Variants in LRRC52 observed in about 807,000 individuals in gnomAD.
LRRC52 encodes the protein leucine-rich repeat-containing protein 52.
A neutral mutation model predicts 14.7 loss-of-function variants in LRRC52; 15 were observed. That is an observed-to-expected ratio of 1.02 (90% CI 0.68 to 1.58). The LOEUF (loss-of-function observed/expected upper bound fraction) is 1.58, where lower values mean the gene tolerates loss of function less well. Ranked by LOEUF, LRRC52 falls within the 40% of genes most tolerant of loss-of-function variation. LRRC52 has a pLI of 0.00. For missense variants in LRRC52, 400 were observed against 387.7 expected (o/e 1.03, Z -0.27); for synonymous variants, 180 against 163.9 (o/e 1.10, Z -0.75).
Position 165,551,017 on chromosome 1 carries a change from G to A in LRRC52, c.622+6099G>A, listed in dbSNP as rs1445241244. On this transcript the variant is annotated intron_variant, in intron 1 of 1. Coordinates refer to ENST00000294818, the MANE Select transcript of LRRC52 (RefSeq NM_001005214.4). Reference sequence around the variant, plus strand: ...ACACAGGAGGTGAGAGGAGAACAGCGCTCAGCAGGCAAGGTCCCAGGTGAG... The same window carrying A: ...ACACAGGAGGTGAGAGGAGAACAGCACTCAGCAGGCAAGGTCCCAGGTGAG... Among the ~76,000 whole-genome samples the A allele has an allele frequency of 5.3e-5, 8 of 152,146 alleles. No individual in the cohort carries two copies. The East Asian group carries it at 7.7e-4, about 15-fold the overall frequency.
intron 1 of LRRC52, among the ~76,000 whole-genome samples, chr1:165,555,818 T>G (rs1661222589): frequency 6.6e-6 from 1 of 152,272 alleles, no homozygotes; most frequent in Non-Finnish European, 1.5e-5. Context: ...GATGGTGCCC[T>G]TCGGCTCCTG....
chr1:165,559,780 T>C (rs912763304), intron 1 of LRRC52, among the ~76,000 whole-genome samples: 3 of 152,156 alleles, frequency 2.0e-5, no homozygotes, highest in Non-Finnish European at 2.9e-5. Flanking sequence ...CTAATAAAGA[T>C]CAAAAAACCC....
chr1:165,557,850 A>G (rs1039273461), intron 1 of LRRC52, among the ~76,000 whole-genome samples: 2 of 152,280 alleles, frequency 1.3e-5, no homozygotes, highest in East Asian at 3.9e-4. Context: ...CTTGCTTTCC[A>G]TTGCCACTGC....
At chr1:165,559,851 A>T (rs1481895471) in intron 1 of LRRC52, among the ~76,000 whole-genome samples, 1 of 152,242 alleles carries the variant, frequency 6.6e-6, no homozygotes, top group Non-Finnish European at 1.5e-5. Context: ...TTATACAAAC[A>T]AGTAAGATAA....
chr1:165,544,200 A>C lies in LRRC52; in HGVS notation c.-97A>C. 8 of 1,306,714 alleles carry C rather than the reference A, an allele frequency of 6.1e-6. 2 individuals are homozygous for C. The highest frequency in any genetic ancestry group is 4.2e-6 in the Non-Finnish European group (4 of 948,480). The allele number at this position is 1,306,714 out of a possible 1,614,324, so 80.9% of individuals were successfully genotyped here. On this transcript the variant is annotated 5_prime_UTR_variant, in exon 1 of 2. Coordinates refer to ENST00000294818, the MANE Select transcript of LRRC52 (RefSeq NM_001005214.4). Reference sequence around the variant, plus strand: ...AAGCTAAAGTGTTACAGTTCTTTCCAGAGCCCCTCCCCCGCCCCACCCCCC... The same window carrying C: ...AAGCTAAAGTGTTACAGTTCTTTCCCGAGCCCCTCCCCCGCCCCACCCCCC...
At chr1:165,554,451 G>GTTGTTT (rs904407245) in intron 1 of LRRC52, among the ~76,000 whole-genome samples, 10 of 152,022 alleles carry the variant, frequency 6.6e-5, no homozygotes, top group Non-Finnish European at 2.9e-5. Flanking sequence ...TGTTGTTGTT[G>GTTGTTT]TTTTTTGGAG....
At chr1:165,547,627 C>T (rs1209935454) in intron 1 of LRRC52, among the ~76,000 whole-genome samples, 3 of 152,174 alleles carry the variant, frequency 2.0e-5, no homozygotes, top group African/African-American at 4.8e-5. Flanking sequence ...CCTACACACA[C>T]ATATGCAAAC....
chr1:165,558,287 A>C (rs1003646606), intron 1 of LRRC52, among the ~76,000 whole-genome samples: 1 of 152,176 alleles, frequency 6.6e-6, no homozygotes, highest in African/African-American at 2.4e-5. Flanking sequence ...GGCCCACTGG[A>C]GTGAGGCTGA....
At chr1:165,560,962 T>G (rs1661327834) in intron 1 of LRRC52, among the ~76,000 whole-genome samples, 1 of 151,626 alleles carries the variant, frequency 6.6e-6, no homozygotes, top group Non-Finnish European at 1.5e-5. Flanking sequence ...CGAGAAGAGC[T>G]GTACTTGGGG....
chr1:165,553,891 T>C (rs1341628010), intron 1 of LRRC52, among the ~76,000 whole-genome samples: 1 of 152,182 alleles, frequency 6.6e-6, no homozygotes, highest in East Asian at 1.9e-4. Flanking sequence ...TTTCATGTAA[T>C]GTTTTCTATG....
At chr1:165,556,560 T>A (rs895022499) in intron 1 of LRRC52, among the ~76,000 whole-genome samples, 2 of 152,214 alleles carry the variant, frequency 1.3e-5, no homozygotes, top group Non-Finnish European at 2.9e-5. Context: ...TTGCACCTAC[T>A]CAACATTGCC....
At chr1:165,551,290 G>A (rs1661126408) in intron 1 of LRRC52, among the ~76,000 whole-genome samples, 1 of 152,152 alleles carries the variant, frequency 6.6e-6, no homozygotes. Context: ...AAGAATCCCA[G>A]GTCCTATGCC....
In LRRC52 at chr1:165,544,280, G is replaced by A; in HGVS notation, c.-17G>A. ...GCCCGCAGGAAGGTGAAAGGAGGGT[G>A]GTTGTGGCTTCTTACTATGTCCCTT... On this transcript the variant is annotated 5_prime_UTR_variant, in exon 1 of 2. Transcript: ENST00000294818. The A allele has an allele frequency of 1.2e-6, 2 of 1,606,342 alleles. No homozygotes were observed. Among genetic ancestry groups the A allele is most frequent in the East Asian group, 2.2e-5 (1 of 44,770 alleles).
At position 165,563,855 on chromosome 1, in the gene LRRC52, C is replaced by G; in HGVS notation, c.*31C>G. On this transcript the variant is annotated 3_prime_UTR_variant, in exon 2 of 2. Transcript: ENST00000294818. ...AGAGACCACTATCTTATGTGCCTCC[C>G]CCAGGCTCCCTGCTTTCTCTCTTGC... 6.3e-7 allele frequency: 1 copy of G among 1,593,286 alleles called. No individual in the cohort carries two copies. The highest frequency in any genetic ancestry group is 2.2e-5 in the East Asian group (1 of 44,692).
In LRRC52 at chr1:165,544,817, C is replaced by T. The variant is rs750723298; in HGVS notation, c.521C>T (p.Thr174Ile). Residue 174 changes from threonine to isoleucine, a missense_variant, in exon 1 of 2, where the codon ACT becomes ATT. By Grantham distance (89) the Thr-to-Ile change is moderately conservative. Coordinates refer to ENST00000294818, the MANE Select transcript of LRRC52 (RefSeq NM_001005214.4). ...GACAGTGCTGCCTTATACCACCTCA[C>T]TACTCTGGAGACCCTGTTTCTGAGT... The part of the protein sequence containing the change: ...TLDSAALYHL[T>I]TLETLFLSGN... 1.2e-5 allele frequency: 19 copies of T among 1,613,858 alleles called. No homozygotes were observed. Among genetic ancestry groups the T allele is most frequent in the Non-Finnish European group, 1.6e-5 (19 of 1,179,880 alleles).
At chr1:165,558,454 T>C (rs939785646) in intron 1 of LRRC52, among the ~76,000 whole-genome samples, 2 of 152,240 alleles carry the variant, frequency 1.3e-5, no homozygotes, top group Non-Finnish European at 2.9e-5. Flanking sequence ...GATGTATAGT[T>C]TATTCATTCC....
chr1:165,557,307 C>T (rs116780974), intron 1 of LRRC52, among the ~76,000 whole-genome samples: 2 of 152,224 alleles, frequency 1.3e-5, no homozygotes, highest in Non-Finnish European at 2.9e-5. Context: ...CTTCACTTAG[C>T]TCACTGAACC....
chr1:165,551,278 A>C (rs532243399), intron 1 of LRRC52, among the ~76,000 whole-genome samples: 65 of 152,292 alleles, frequency 4.3e-4, no homozygotes, highest in Admixed American at 9.8e-4. Flanking sequence ...TCTAATGAGC[A>C]CAAGAATCCC....
rs556679593 is a variant in LRRC52, at chr1:165,561,454, C to T, written c.623-2051C>T. The stretch of plus-strand genomic sequence containing the variant: ...GAATTCCTGGAGAGCTCCCAGGCGC[C>T]TCCCCTGCTCATGGGAGCCCCATGC... On this transcript the variant is annotated intron_variant, in intron 1 of 1. Transcript: ENST00000294818. Among the ~76,000 whole-genome samples the T allele has an allele frequency of 6.6e-5, 10 of 152,240 alleles. No homozygotes were observed. In the South Asian group the frequency reaches 1.9e-3, roughly 28 times the overall value.
Sources: allele counts gnomAD v4.1 joint callset (sites outside exome capture counted in the v4.1 genomes callset), GRCh38; gene constraint gnomAD v4.1.1; transcripts MANE v1.5; gene names NCBI Gene and HGNC (gene_info 2026-07-23, HGNC 2026-07-21).